ERBB4: variants seen among roughly 807,000 people sequenced by gnomAD.
ERBB4 encodes receptor tyrosine-protein kinase erbB-4.
ERBB4 carries 42 observed loss-of-function variants against 158.0 expected under a neutral mutation model. The observed-to-expected ratio is 0.27, with a 90% confidence interval of 0.21 to 0.34. The LOEUF is 0.34. ERBB4 is among the 10% of genes least tolerant of loss of function. The probability of loss-of-function intolerance (pLI) is 1.00; values close to 1 mark genes in which losing one functional copy is unlikely to be tolerated. For synonymous variants in ERBB4, 583 were observed against 558.7 expected, an observed-to-expected ratio of 1.04 and a Z score of -0.61; for missense variants, 1,333 against 1,624.1, an observed-to-expected ratio of 0.82 and a Z score of 3.08.
chr2:212,290,101 G>C (rs1271954908), intron 1 of ERBB4, among the ~76,000 whole-genome samples: 2 of 152,028 alleles, frequency 1.3e-5, no homozygotes, highest in Non-Finnish European at 2.9e-5. Context: ...TATTTCCCCA[G>C]CATTAAATTA....
At chr2:211,627,401 T>C (rs10497948) in intron 17 of ERBB4, among the ~76,000 whole-genome samples, 24,485 of 152,278 alleles carry the variant, frequency 0.16, 2,540 homozygotes, top group Admixed American at 0.24. Context: ...ATGTATGTAA[T>C]TGACTACCTT....
intron 1 of ERBB4, among the ~76,000 whole-genome samples, chr2:212,404,409 T>C (rs903862001): frequency 6.6e-6 from 1 of 152,044 alleles, no homozygotes; most frequent in African/African-American, 2.4e-5. Flanking sequence ...ATTCACTCAT[T>C]TATCCATCTG....
At chr2:212,312,407 G>A (rs559560949) in intron 1 of ERBB4, among the ~76,000 whole-genome samples, 1 of 150,930 alleles carries the variant, frequency 6.6e-6, no homozygotes, top group East Asian at 2.0e-4. Context: ...CCATGAAATT[G>A]TGTATTATCC....
chr2:211,531,602 C>T lies in ERBB4; in HGVS notation c.2487+30301G>A, dbSNP rs142042882. Reference sequence around the variant, plus strand: ...AACAGAGAAATGCAAATTAAAACTACAAGGAGATATCATCTCACCCCAGTT... The same window carrying T: ...AACAGAGAAATGCAAATTAAAACTATAAGGAGATATCATCTCACCCCAGTT... On this transcript the variant is annotated intron_variant, in intron 20 of 27. Transcript: ENST00000342788. Among the ~76,000 whole-genome samples the T allele has an allele frequency of 5.0e-3, 756 of 152,180 alleles. 7 individuals are homozygous for T. The highest frequency in any genetic ancestry group is 0.016 in the African/African-American group (676 of 41,546).
At chr2:211,922,327 T>A (rs2079877563) in intron 3 of ERBB4, among the ~76,000 whole-genome samples, 1 of 152,158 alleles carries the variant, frequency 6.6e-6, no homozygotes, top group Non-Finnish European at 1.5e-5. Flanking sequence ...TATTTTCATG[T>A]ATGAACAAGA....
chr2:211,932,475 A>AT (rs975554935), intron 3 of ERBB4, among the ~76,000 whole-genome samples: 34 of 152,006 alleles, frequency 2.2e-4, no homozygotes, highest in African/African-American at 7.7e-4. Flanking sequence ...TAATTTTATT[A>AT]TTTTTTCCAA....
chr2:211,855,876 T>C (rs527251210), intron 3 of ERBB4, among the ~76,000 whole-genome samples: 1 of 152,178 alleles, frequency 6.6e-6, no homozygotes, highest in South Asian at 2.1e-4. Flanking sequence ...GAAGTGAAAC[T>C]ATTATAATTT....
chr2:211,809,077 G>T (rs2076687897), intron 3 of ERBB4, among the ~76,000 whole-genome samples: 1 of 152,116 alleles, frequency 6.6e-6, no homozygotes, highest in Non-Finnish European at 1.5e-5. Context: ...CTGCAAACAG[G>T]GACAATTTGA....
At chr2:211,533,081 A>T (rs1400124953) in intron 20 of ERBB4, among the ~76,000 whole-genome samples, 1 of 151,754 alleles carries the variant, frequency 6.6e-6, no homozygotes. Context: ...TATCATGTAG[A>T]TATTTCTATA....
intron 1 of ERBB4, among the ~76,000 whole-genome samples, chr2:212,399,250 T>C (rs900534564): frequency 3.3e-5 from 5 of 151,966 alleles, no homozygotes; most frequent in African/African-American, 7.2e-5. Flanking sequence ...GCCCATATTG[T>C]TCATTCTAAA....
intron 12 of ERBB4, among the ~76,000 whole-genome samples, chr2:211,688,536 C>T (rs566630776): frequency 9.2e-5 from 14 of 152,308 alleles, no homozygotes; most frequent in African/African-American, 3.4e-4. Context: ...ACTATTGTTT[C>T]ATCTATTTTG....
chr2:212,374,337 T>A (rs73056514), intron 1 of ERBB4, among the ~76,000 whole-genome samples: 6 of 151,476 alleles, frequency 4.0e-5, no homozygotes, highest in South Asian at 2.1e-4. Flanking sequence ...AAAATAAATA[T>A]AGGAATAATA....
At position 211,891,657 on chromosome 2, in the gene ERBB4, T is replaced by C. The variant is rs1041657276; in HGVS notation, c.421+55773A>G. ...AGGATCAACAAAATTGATAGACCAC[T>C]AGCAAGACTAATAAAGAAAAAAAGA... On this transcript the variant is annotated intron_variant, in intron 3 of 27. Coordinates refer to ENST00000342788, the MANE Select transcript of ERBB4 (RefSeq NM_005235.3). Among the ~76,000 whole-genome samples, 6 of 115,524 alleles carry C rather than the reference T, an allele frequency of 5.2e-5. No individual in the cohort carries two copies. The Admixed American group carries it at 5.3e-4, about 10-fold the overall frequency. 75.8% of individuals were successfully genotyped at this position (115,524 alleles called of 152,430 possible).
chr2:211,549,597 C>A (rs1162335148), intron 20 of ERBB4, among the ~76,000 whole-genome samples: 1 of 151,986 alleles, frequency 6.6e-6, no homozygotes, highest in Non-Finnish European at 1.5e-5. Flanking sequence ...CCTAGTCACC[C>A]CAGTCTAGTT....
intron 1 of ERBB4, among the ~76,000 whole-genome samples, chr2:212,277,010 T>TG (rs1394564952): frequency 1.3e-5 from 2 of 151,726 alleles, no homozygotes; most frequent in African/African-American, 2.4e-5. Flanking sequence ...TGCCATTACA[T>TG]TAATCTCACA....
chr2:211,851,087 C>G (rs534138212), intron 3 of ERBB4, among the ~76,000 whole-genome samples: 2 of 151,832 alleles, frequency 1.3e-5, no homozygotes, highest in South Asian at 2.1e-4. Flanking sequence ...AACTAACCAG[C>G]CTGCAATAAA....
intron 20 of ERBB4, among the ~76,000 whole-genome samples, chr2:211,533,427 C>G (rs1669691245): frequency 6.6e-6 from 1 of 151,880 alleles, no homozygotes. Flanking sequence ...GCTCGTATGT[C>G]TTTAAAGAAA....
chr2:211,405,960 T>C (rs182030433), intron 25 of ERBB4, among the ~76,000 whole-genome samples: 1 of 152,292 alleles, frequency 6.6e-6, no homozygotes, highest in Non-Finnish European at 1.5e-5. Context: ...ATCCAACTGA[T>C]ACCCAAATCC....
chr2:211,524,588 G>T (rs1479543884), intron 20 of ERBB4, among the ~76,000 whole-genome samples: 1 of 152,232 alleles, frequency 6.6e-6, no homozygotes. Flanking sequence ...ACTGCTGGGG[G>T]ACCCAGTACA....
Sources: allele counts gnomAD v4.1 joint callset (sites outside exome capture counted in the v4.1 genomes callset), GRCh38; gene constraint gnomAD v4.1.1; transcripts MANE v1.5; gene names NCBI Gene and HGNC (gene_info 2026-07-23, HGNC 2026-07-21).